The following CDKAL1 variants were observed in gnomAD, a reference collection of about 807,000 sequenced individuals.
CDKAL1 encodes the protein CDKAL1 threonylcarbamoyladenosine tRNA methylthiotransferase.
CDKAL1 carries 32 observed loss-of-function variants against 68.2 expected under a neutral mutation model. The ratio of observed to expected loss-of-function variants is 0.47; its 90% CI spans 0.35 to 0.63. CDKAL1 has a LOEUF of 0.63. Among genes scored for constraint, CDKAL1 ranks in the 30% least tolerant of loss-of-function variants. The pLI, the probability that CDKAL1 is intolerant of heterozygous loss-of-function variation, is 0.00. For missense variants in CDKAL1, 606 were observed against 696.7 expected, an observed-to-expected ratio of 0.87 and a Z score of 1.47; for synonymous variants, 234 against 244.3, an observed-to-expected ratio of 0.96 and a Z score of 0.39.
Position 20,845,502 on chromosome 6 carries a change from T to C in CDKAL1, c.639-573T>C, listed in dbSNP as rs140601379. Reference sequence around the variant, plus strand: ...TTTTTTTACTTTGATTAATGTAGTCTCAGAGAATTATTCATTGAACATGCT... The same window carrying C: ...TTTTTTTACTTTGATTAATGTAGTCCCAGAGAATTATTCATTGAACATGCT... On this transcript the variant is annotated intron_variant, in intron 8 of 15. Transcript: ENST00000274695. Among the ~76,000 whole-genome samples, 686 of 152,216 alleles carry C rather than the reference T, an allele frequency of 4.5e-3. 6 individuals are homozygous for C. Among genetic ancestry groups the C allele is most frequent in the African/African-American group, 0.015 (643 of 41,580 alleles).
At chr6:20,945,778 C>T (rs1009049194) in intron 9 of CDKAL1, among the ~76,000 whole-genome samples, 1 of 152,148 alleles carries the variant, frequency 6.6e-6, no homozygotes, top group Non-Finnish European at 1.5e-5. Flanking sequence ...CAACTAAAAA[C>T]CATACATTGT....
At chr6:20,871,061 A>G (rs1007802162) in intron 9 of CDKAL1, among the ~76,000 whole-genome samples, 1 of 152,196 alleles carries the variant, frequency 6.6e-6, no homozygotes, top group African/African-American at 2.4e-5. Flanking sequence ...CACAATTCCA[A>G]GGTACTTATT....
intron 5 of CDKAL1, among the ~76,000 whole-genome samples, chr6:20,654,693 CATTT>C (rs1251716028): frequency 1.3e-5 from 2 of 152,164 alleles, no homozygotes; most frequent in African/African-American, 4.8e-5. Context: ...GTTTCAGTAT[CATTT>C]ATTTATTTAA....
chr6:21,189,139 C>G (rs907178910), intron 13 of CDKAL1, among the ~76,000 whole-genome samples: 2 of 152,118 alleles, frequency 1.3e-5, no homozygotes, highest in Non-Finnish European at 2.9e-5. Flanking sequence ...AACCAACCAG[C>G]GTGAAGAAAA....
At chr6:21,151,963 A>T (rs1776430898) in intron 13 of CDKAL1, among the ~76,000 whole-genome samples, 1 of 152,106 alleles carries the variant, frequency 6.6e-6, no homozygotes, top group Admixed American at 6.5e-5. Flanking sequence ...CAAGGCTCTG[A>T]TTCTACTTGC....
intron 8 of CDKAL1, among the ~76,000 whole-genome samples, chr6:20,841,634 C>A (rs559509053): frequency 6.6e-6 from 1 of 152,248 alleles, no homozygotes; most frequent in East Asian, 1.9e-4. Flanking sequence ...TTGAACTGGG[C>A]GTGATGGCTC....
intron 13 of CDKAL1, among the ~76,000 whole-genome samples, chr6:21,132,210 A>G (rs1236547295): frequency 6.6e-6 from 1 of 152,186 alleles, no homozygotes; most frequent in African/African-American, 2.4e-5. Context: ...TCACTGCATT[A>G]TTATCAATAA....
chr6:20,682,518 CAGG>C (rs1029178914), intron 5 of CDKAL1, among the ~76,000 whole-genome samples: 25 of 152,124 alleles, frequency 1.6e-4, no homozygotes, highest in Non-Finnish European at 3.4e-4. Context: ...CATGGCAGGG[CAGG>C]AGGAGATGGG....
chr6:20,734,497 A>T (rs967283026), intron 5 of CDKAL1, among the ~76,000 whole-genome samples: 1 of 152,124 alleles, frequency 6.6e-6, no homozygotes, highest in South Asian at 2.1e-4. Flanking sequence ...TTTAAAGGAA[A>T]TTTTTTTAAG....
At chr6:21,142,693 ATGCTT>A (rs1312113954) in intron 13 of CDKAL1, among the ~76,000 whole-genome samples, 3 of 152,248 alleles carry the variant, frequency 2.0e-5, no homozygotes, top group South Asian at 2.1e-4. Context: ...TACGAATAGA[ATGCTT>A]TAGGAGAAAA....
intron 9 of CDKAL1, among the ~76,000 whole-genome samples, chr6:20,927,795 T>A (rs1006041718): frequency 6.6e-5 from 10 of 152,226 alleles, no homozygotes; most frequent in African/African-American, 2.2e-4. Context: ...TTTAAGCTTA[T>A]AAACACTATA....
At chr6:20,975,258 T>C (rs1581944775) in intron 10 of CDKAL1, among the ~76,000 whole-genome samples, 2 of 152,330 alleles carry the variant, frequency 1.3e-5, no homozygotes, top group South Asian at 2.1e-4. Context: ...CTTGTAGATA[T>C]CAATGCTGCA....
chr6:20,984,649 A>G (rs986906591), intron 10 of CDKAL1, among the ~76,000 whole-genome samples: 5 of 151,346 alleles, frequency 3.3e-5, no homozygotes, highest in Middle Eastern at 3.4e-3. Context: ...GGGAGCTGAA[A>G]AGGGGACGGA....
At chr6:20,808,045 T>A (rs903558035) in intron 8 of CDKAL1, among the ~76,000 whole-genome samples, 1 of 152,186 alleles carries the variant, frequency 6.6e-6, no homozygotes, top group East Asian at 1.9e-4. Context: ...TAAAATCACG[T>A]TTGTTGATTG....
At chr6:20,824,787 T>C (rs9460563) in intron 8 of CDKAL1, among the ~76,000 whole-genome samples, 46,931 of 152,008 alleles carry the variant, frequency 0.31, 7,558 homozygotes, top group East Asian at 0.53. Context: ...ATTCCAGGAG[T>C]CAGGATTCTG....
At chr6:20,930,723 T>C (rs1763403194) in intron 9 of CDKAL1, among the ~76,000 whole-genome samples, 1 of 150,318 alleles carries the variant, frequency 6.7e-6, no homozygotes, top group Non-Finnish European at 1.5e-5. Flanking sequence ...ACATTAACTT[T>C]ATGAGGTACA....
At chr6:20,877,693 C>CT (rs1293263768) in intron 9 of CDKAL1, among the ~76,000 whole-genome samples, 4 of 152,216 alleles carry the variant, frequency 2.6e-5, no homozygotes, top group Admixed American at 2.6e-4. Context: ...TGACTCATGA[C>CT]TTAGTCCTTG....
chr6:20,961,874 G>C (rs1487541757), intron 10 of CDKAL1, among the ~76,000 whole-genome samples: 1 of 151,802 alleles, frequency 6.6e-6, no homozygotes, highest in Non-Finnish European at 1.5e-5. Flanking sequence ...AAGTTTACAT[G>C]TATAACAAGC....
chr6:21,041,201 AC>A (rs1370012099), intron 11 of CDKAL1, among the ~76,000 whole-genome samples: 1 of 152,210 alleles, frequency 6.6e-6, no homozygotes, highest in Non-Finnish European at 1.5e-5. Context: ...TATATACAAC[AC>A]CACAAATAAA....
Sources: allele counts gnomAD v4.1 joint callset (sites outside exome capture counted in the v4.1 genomes callset), GRCh38; gene constraint gnomAD v4.1.1; transcripts MANE v1.5; gene names NCBI Gene and HGNC (gene_info 2026-07-23, HGNC 2026-07-21).